Variants in MAP2K5 observed in about 807,000 individuals in gnomAD.
MAP2K5 encodes dual specificity mitogen-activated protein kinase kinase 5.
In MAP2K5, 49 loss-of-function variants were observed where a neutral mutation model predicts 83.1. That is an observed-to-expected ratio of 0.59 (90% CI 0.47 to 0.75). MAP2K5 has a LOEUF of 0.75. Among genes scored for constraint, MAP2K5 ranks in the 30% least tolerant of loss-of-function variants. The pLI, the probability that MAP2K5 is intolerant of heterozygous loss-of-function variation, is 0.00. For missense variants in MAP2K5, 457 were observed against 557.5 expected, an observed-to-expected ratio of 0.82 and a Z score of 1.82; for synonymous variants, 202 against 191.8, an observed-to-expected ratio of 1.05 and a Z score of -0.44.
Position 67,577,641 on chromosome 15 carries a change from C to G in MAP2K5, c.253-3113C>G, listed in dbSNP as rs1255864595. Among the ~76,000 whole-genome samples, 3 of 151,896 alleles carry G rather than the reference C, an allele frequency of 2.0e-5. No individual in the cohort carries two copies. The highest frequency in any genetic ancestry group is 7.3e-5 in the African/African-American group (3 of 41,318). The stretch of plus-strand genomic sequence containing the variant: ...CTGCTTATTTTATCACTATTTAGAA[C>G]AAAATTGGAGAGAATCCCTTTAAAG... On this transcript the variant is annotated intron_variant, in intron 3 of 21. Transcript: ENST00000178640. The surrounding 1 kb of genome is among the most constrained non-coding windows in gnomAD (Gnocchi z 4.1).
At chr15:67,805,515 T>C (rs1017881740) in intron 21 of MAP2K5, among the ~76,000 whole-genome samples, 2 of 152,012 alleles carry the variant, frequency 1.3e-5, no homozygotes, top group African/African-American at 4.8e-5. Flanking sequence ...AAGGCTGGGG[T>C]GTGCTGGGAA....
Position 67,577,722 on chromosome 15 carries a change from C to T in MAP2K5, c.253-3032C>T, listed in dbSNP as rs1488194113. On this transcript the variant is annotated intron_variant, in intron 3 of 21. Coordinates refer to ENST00000178640, the MANE Select transcript of MAP2K5 (RefSeq NM_145160.3). The surrounding 1 kb of genome is among the most constrained non-coding windows in gnomAD (Gnocchi z 4.1). ...CCAGATCTAAAAACAATTTGCTGGC[C>T]GTGTGCAGTGGCTCACGCCTGTAAT... 1.3e-5 allele frequency among the ~76,000 whole-genome samples: 2 copies of T among 152,216 alleles called. No homozygotes were observed. The highest frequency in any genetic ancestry group is 4.1e-4 in the South Asian group (2 of 4,824).
intron 2 of MAP2K5, among the ~76,000 whole-genome samples, chr15:67,558,238 C>A (rs148789163): frequency 1.1e-4 from 17 of 152,274 alleles, no homozygotes; most frequent in African/African-American, 4.1e-4. Context: ...GTAATAGGCA[C>A]TCTATGTGTG....
chr15:67,591,503 G>A (rs933741528), intron 6 of MAP2K5, among the ~76,000 whole-genome samples: 1 of 151,240 alleles, frequency 6.6e-6, no homozygotes, highest in African/African-American at 2.4e-5. Context: ...GCCTCCAGCT[G>A]GGACTACAGG....
intron 11 of MAP2K5, among the ~76,000 whole-genome samples, chr15:67,655,799 T>C (rs1433374476): frequency 2.6e-5 from 4 of 152,196 alleles, no homozygotes; most frequent in African/African-American, 2.4e-5. Flanking sequence ...TCTGAAATAT[T>C]CTTTCCACTC....
chr15:67,612,659 A>G (rs2085954139), intron 8 of MAP2K5, among the ~76,000 whole-genome samples: 1 of 152,190 alleles, frequency 6.6e-6, no homozygotes, highest in Non-Finnish European at 1.5e-5. Flanking sequence ...TGCCCATTTC[A>G]TGAAGTCTTT....
rs541062266 is a variant in MAP2K5 at position 67,647,017 on chromosome 15, C to T, written c.736+548C>T. 2.8e-4 allele frequency among the ~76,000 whole-genome samples: 42 copies of T among 152,120 alleles called. No individual in the cohort carries two copies. In the East Asian group the frequency reaches 4.4e-3, roughly 16 times the overall value. On this transcript the variant is annotated intron_variant, in intron 11 of 21. Coordinates refer to ENST00000178640, the MANE Select transcript of MAP2K5 (RefSeq NM_145160.3). Reference sequence around the variant, plus strand: ...TAGTTCTTTCTTGACCTGAATATTACGGCAAAATACAGATTTCTAGGGACA... The same window carrying T: ...TAGTTCTTTCTTGACCTGAATATTATGGCAAAATACAGATTTCTAGGGACA...
intron 21 of MAP2K5, among the ~76,000 whole-genome samples, chr15:67,799,067 G>A (rs2090656171): frequency 6.6e-6 from 1 of 152,254 alleles, no homozygotes; most frequent in Non-Finnish European, 1.5e-5. Flanking sequence ...TACTCAGGAG[G>A]CTGAGGCAGG....
At chr15:67,766,242 C>T (rs1267230147) in intron 19 of MAP2K5, among the ~76,000 whole-genome samples, 1 of 152,182 alleles carries the variant, frequency 6.6e-6, no homozygotes, top group African/African-American at 2.4e-5. Flanking sequence ...CTAGACTCTC[C>T]GATTGAGGCT....
At position 67,630,870 on chromosome 15, in the gene MAP2K5, T is replaced by C. The variant is rs764430726; in HGVS notation, c.546-18T>C. The C allele has an allele frequency of 4.3e-5, 69 of 1,604,218 alleles. No homozygotes were observed. Among genetic ancestry groups the C allele is most frequent in the Non-Finnish European group, 5.8e-5 (68 of 1,172,854 alleles). Reference sequence around the variant, plus strand: ...GTTTAGTGATCCCAAATGATTTTGTTTTTTTTTCTTCCCATAGAGCATATC... The same window carrying C: ...GTTTAGTGATCCCAAATGATTTTGTCTTTTTTTCTTCCCATAGAGCATATC... On this transcript the variant is annotated intron_variant, in intron 8 of 21. Coordinates refer to ENST00000178640, the MANE Select transcript of MAP2K5 (RefSeq NM_145160.3).
intron 1 of MAP2K5, among the ~76,000 whole-genome samples, chr15:67,545,394 G>C (rs2084370383): frequency 6.6e-6 from 1 of 152,218 alleles, no homozygotes; most frequent in Non-Finnish European, 1.5e-5. Context: ...TCTGTGGACA[G>C]AACACTAGGT....
chr15:67,607,913 A>T (rs1213374559), intron 8 of MAP2K5, among the ~76,000 whole-genome samples: 1 of 152,184 alleles, frequency 6.6e-6, no homozygotes, highest in African/African-American at 2.4e-5. Context: ...TTTTCAGTCA[A>T]TTGAGTCTGG....
rs2086829065 is a variant in MAP2K5, at chr15:67,646,244, A to G, written c.599A>G (p.Asp200Gly). 1.5e-6 allele frequency: 2 copies of G among 1,367,368 alleles called. No individual in the cohort carries two copies. Among genetic ancestry groups the G allele is most frequent in the South Asian group, 1.2e-5 (1 of 80,150 alleles). The allele number at this position is 1,367,368 out of a possible 1,614,324, so 84.7% of individuals were successfully genotyped here. The part of the protein sequence containing the change: ...KILAVKVILL[D>G]ITLELQKQIM... The stretch of plus-strand genomic sequence containing the variant: ...TTCTATATTTAGGTCATACTACTAG[A>G]TATTACACTGGAACTTCAGAAGCAA... Residue 200 changes from aspartate to glycine, a missense_variant, in exon 10 of 22, where the codon GAT (aspartate) becomes GGT (glycine). Coordinates refer to ENST00000178640, the MANE Select transcript of MAP2K5 (RefSeq NM_145160.3).
Position 67,713,046 on chromosome 15 carries a change from G to T in MAP2K5, c.1044+9638G>T, listed in dbSNP as rs148575031. Reference sequence around the variant, plus strand: ...AAACAAAGGGGAAGAAATCATCAAAGAAAAATTTTAAATTTTAATGTTATA... The same window carrying T: ...AAACAAAGGGGAAGAAATCATCAAATAAAAATTTTAAATTTTAATGTTATA... On this transcript the variant is annotated intron_variant, in intron 16 of 21. Coordinates refer to ENST00000178640, the MANE Select transcript of MAP2K5 (RefSeq NM_145160.3). Among the ~76,000 whole-genome samples, 882 of 152,138 alleles carry T rather than the reference G, an allele frequency of 5.8e-3. 6 individuals carry two copies. Among genetic ancestry groups the T allele is most frequent in the African/African-American group, 0.02 (849 of 41,512 alleles).
intron 16 of MAP2K5, among the ~76,000 whole-genome samples, chr15:67,715,164 A>G (rs1306086363): frequency 6.9e-6 from 1 of 145,098 alleles, no homozygotes; most frequent in Non-Finnish European, 1.5e-5. Context: ...TCTGTCACTC[A>G]TTCCCCTGCT....
intron 7 of MAP2K5, 73 bp from the exon 8 acceptor site, chr15:67,600,612 C>G: frequency 8.5e-7 from 1 of 1,170,918 alleles, no homozygotes; most frequent in Non-Finnish European, 1.3e-6. Flanking sequence ...TGTTTATGGC[C>G]CAGAGTTGCT....
intron 13 of MAP2K5, among the ~76,000 whole-genome samples, chr15:67,689,122 G>A (rs1197030714): frequency 6.6e-6 from 1 of 152,142 alleles, no homozygotes; most frequent in East Asian, 1.9e-4. Context: ...GAGTGCAGTG[G>A]CAAACATCTG....
intron 13 of MAP2K5, among the ~76,000 whole-genome samples, chr15:67,689,310 C>G (rs551444527): frequency 1.6e-4 from 25 of 152,186 alleles, no homozygotes; most frequent in African/African-American, 5.8e-4. Context: ...ATGCTTTGTC[C>G]CAAACAAATG....
In MAP2K5 at chr15:67,640,175, A is replaced by T. The variant is rs2086683581; in HGVS notation, c.586-6056A>T. Among the ~76,000 whole-genome samples the T allele has an allele frequency of 6.6e-6, 1 of 152,212 alleles. No individual in the cohort carries two copies. The highest frequency in any genetic ancestry group is 2.4e-5 in the African/African-American group (1 of 41,450). ...CATATAGGGTATAGTACAAAGCATT[A>T]CACATAACGAGTAAGTGTTCAATAC... On this transcript the variant is annotated intron_variant, in intron 9 of 21. Coordinates refer to ENST00000178640, the MANE Select transcript of MAP2K5 (RefSeq NM_145160.3). The surrounding 1 kb of genome is among the most constrained non-coding windows in gnomAD (Gnocchi z 4.6).
Sources: gnomAD v4.1 joint callset for allele counts (sites outside exome capture counted in the v4.1 genomes callset) on GRCh38, gnomAD v4.1.1 for gene constraint, Gnocchi (gnomAD v3.1) non-coding constraint, MANE v1.5 for transcripts, NCBI Gene and HGNC (gene_info 2026-07-23, HGNC 2026-07-21) for gene names.